HS2ST1: variants seen among roughly 807,000 people sequenced by gnomAD.
The protein encoded by HS2ST1 is heparan sulfate 2-O-sulfotransferase 1, also known as 2-O-sulfotransferase.
Under a neutral mutation model 42.9 loss-of-function variants are expected in HS2ST1, and 18 were observed. That is an observed-to-expected ratio of 0.42 (90% CI 0.29 to 0.62). The LOEUF is 0.62. Among genes scored for constraint, HS2ST1 ranks in the 20% least tolerant of loss-of-function variants. HS2ST1 has a pLI of 0.21. For missense variants in HS2ST1, 334 were observed against 433.8 expected (o/e 0.77, Z 2.04); for synonymous variants, 146 against 152.9 (o/e 0.95, Z 0.33).
At chr1:87,040,541 G>T (rs1181621764) in intron 1 of HS2ST1, among the ~76,000 whole-genome samples, 2 of 152,130 alleles carry the variant, frequency 1.3e-5, no homozygotes, top group African/African-American at 4.8e-5. Flanking sequence ...CTCCGCCAAG[G>T]TGCTTTGCAG....
rs552356415 is a variant in HS2ST1 at position 86,964,180 on chromosome 1, C to T, written c.124+49020C>T. On this transcript the variant is annotated intron_variant, in intron 1 of 6. Coordinates refer to ENST00000370550, the MANE Select transcript of HS2ST1 (RefSeq NM_012262.4). ...ATGGCGGCCGGGAAGAGGCGCTCCT[C>T]ACTTCCCAGACGATGGGCGGCCAGG... 3.1e-3 allele frequency among the ~76,000 whole-genome samples: 478 copies of T among 152,182 alleles called. 1 individual carries two copies. Among genetic ancestry groups the T allele is most frequent in the African/African-American group, 0.011 (451 of 41,526 alleles).
chr1:87,093,708 A>C (rs938576943), intron 4 of HS2ST1, among the ~76,000 whole-genome samples: 41 of 152,106 alleles, frequency 2.7e-4, no homozygotes, highest in Admixed American at 2.7e-3. Flanking sequence ...AAATGGTTGA[A>C]TGTGTGAATT....
chr1:87,067,233 CTT>C (rs1307395925), intron 1 of HS2ST1, among the ~76,000 whole-genome samples: 2 of 152,144 alleles, frequency 1.3e-5, no homozygotes, highest in Non-Finnish European at 2.9e-5. Context: ...TCCAGCATCT[CTT>C]GTTTCCTGAC....
At chr1:86,959,641 G>C (rs939859481) in intron 1 of HS2ST1, among the ~76,000 whole-genome samples, 4 of 152,118 alleles carry the variant, frequency 2.6e-5, no homozygotes, top group African/African-American at 9.7e-5. Flanking sequence ...CTGGGTGACA[G>C]AGCAAGACTT....
intron 2 of HS2ST1, among the ~76,000 whole-genome samples, chr1:87,083,835 G>A (rs1482815090): frequency 4.6e-5 from 7 of 152,142 alleles, no homozygotes; most frequent in Admixed American, 3.9e-4. Flanking sequence ...ATGCTGGAAT[G>A]TTCCTGTATT....
chr1:87,099,989 C>A (rs1239588239), intron 5 of HS2ST1, among the ~76,000 whole-genome samples: 1 of 152,210 alleles, frequency 6.6e-6, no homozygotes, highest in Non-Finnish European at 1.5e-5. Context: ...AGCAGCCCTG[C>A]CCCCATGGCT....
chr1:86,954,095 T>TA (rs1305947983), intron 1 of HS2ST1, among the ~76,000 whole-genome samples: 1 of 137,968 alleles, frequency 7.2e-6, no homozygotes, highest in Non-Finnish European at 1.5e-5. Context: ...CTCACGCCTC[T>TA]AATCCCAGCA....
chr1:87,100,310 GC>G (rs1291753081), intron 5 of HS2ST1, among the ~76,000 whole-genome samples: 1 of 152,198 alleles, frequency 6.6e-6, no homozygotes, highest in Non-Finnish European at 1.5e-5. Flanking sequence ...TACAGTTTAT[GC>G]TCCCCCAGAG....
intron 1 of HS2ST1, among the ~76,000 whole-genome samples, chr1:87,027,538 TTATACTGGGAAAA>T (rs1308429866): frequency 1.3e-5 from 2 of 152,172 alleles, no homozygotes; most frequent in Non-Finnish European, 2.9e-5. Context: ...TCACATAATT[TTATACTGGGAAAA>T]TGAAAATAAA....
intron 1 of HS2ST1, among the ~76,000 whole-genome samples, chr1:86,938,139 G>A (rs1660693737): frequency 6.6e-6 from 1 of 152,118 alleles, no homozygotes; most frequent in South Asian, 2.1e-4. Context: ...TTTAAGGAAA[G>A]ATTCATTGGT....
In HS2ST1 at chr1:87,108,236, T is replaced by C. The variant is rs972149057; in HGVS notation, c.*3540T>C. Reference sequence around the variant, plus strand: ...AACTAAAAGCTGGTTCCCAAATGCATAGCTGGCATTTTAATTTAAATTCAA... The same window carrying C: ...AACTAAAAGCTGGTTCCCAAATGCACAGCTGGCATTTTAATTTAAATTCAA... On this transcript the variant is annotated 3_prime_UTR_variant, in exon 7 of 7. Coordinates refer to ENST00000370550, the MANE Select transcript of HS2ST1 (RefSeq NM_012262.4). 6.6e-6 allele frequency: 1 copy of C among 152,106 alleles called. No individual in the cohort carries two copies. Among genetic ancestry groups the C allele is most frequent in the Non-Finnish European group, 1.5e-5 (1 of 67,974 alleles). 9.4% of individuals were successfully genotyped at this position (152,106 alleles called of 1,614,324 possible). A position where few individuals can be genotyped will look rare whatever the true frequency, so the allele number is the denominator to read the frequency against.
intron 1 of HS2ST1, among the ~76,000 whole-genome samples, chr1:86,928,604 T>C (rs1348868912): frequency 6.6e-6 from 1 of 151,972 alleles, no homozygotes; most frequent in Non-Finnish European, 1.5e-5. Context: ...GCAGAAAAAC[T>C]CAGTTGTTTC....
intron 1 of HS2ST1, among the ~76,000 whole-genome samples, chr1:87,012,338 G>A (rs1649622164): frequency 6.6e-6 from 1 of 152,168 alleles, no homozygotes; most frequent in African/African-American, 2.4e-5. Context: ...GGAAGGTGAA[G>A]GGGAAGCAAG....
intron 1 of HS2ST1, among the ~76,000 whole-genome samples, chr1:87,063,397 C>G (rs1055044770): frequency 1.3e-5 from 2 of 152,228 alleles, no homozygotes; most frequent in African/African-American, 4.8e-5. Flanking sequence ...AGTGCAATGG[C>G]GTGACTTCCG....
chr1:86,988,212 G>A (rs1557505965), intron 1 of HS2ST1, among the ~76,000 whole-genome samples: 3 of 152,306 alleles, frequency 2.0e-5, no homozygotes, highest in South Asian at 2.1e-4. Flanking sequence ...TGTAGCAAAG[G>A]GAAGACTTGT....
At chr1:87,010,104 T>G (rs955322172) in intron 1 of HS2ST1, among the ~76,000 whole-genome samples, 1 of 151,826 alleles carries the variant, frequency 6.6e-6, no homozygotes, top group African/African-American at 2.4e-5. Context: ...CACATAGCAC[T>G]TTCACATTTC....
At chr1:87,067,640 G>A (rs1422102696) in intron 1 of HS2ST1, among the ~76,000 whole-genome samples, 2 of 151,966 alleles carry the variant, frequency 1.3e-5, no homozygotes, top group Non-Finnish European at 2.9e-5. Flanking sequence ...TGAAGTCTTT[G>A]CCCATGCCTA....
intron 1 of HS2ST1, among the ~76,000 whole-genome samples, chr1:86,930,619 T>G (rs1660523576): frequency 1.3e-5 from 2 of 151,954 alleles, no homozygotes; most frequent in Non-Finnish European, 2.9e-5. Flanking sequence ...AAATTTATAA[T>G]TGCATTGGAA....
At chr1:87,063,208 C>G (rs1230870211) in intron 1 of HS2ST1, among the ~76,000 whole-genome samples, 6 of 152,108 alleles carry the variant, frequency 3.9e-5, no homozygotes, top group African/African-American at 1.4e-4. Context: ...TTTTCTTGGT[C>G]TGTTTTCCCA....
Sources: allele counts gnomAD v4.1 joint callset (sites outside exome capture counted in the v4.1 genomes callset), GRCh38; gene constraint gnomAD v4.1.1; transcripts MANE v1.5; gene names NCBI Gene and HGNC (gene_info 2026-07-23, HGNC 2026-07-21).